HYDIN: variants seen among roughly 807,000 people sequenced by gnomAD.
HYDIN encodes HYDIN axonemal central pair apparatus protein, also known as axonemal central pair apparatus protein HYDIN.
HYDIN carries 132 observed loss-of-function variants against 403.9 expected under a neutral mutation model. The observed-to-expected ratio is 0.33, with a 90% CI of 0.28 to 0.38. The LOEUF (loss-of-function observed/expected upper bound fraction) is 0.38. HYDIN is among the 10% of genes least tolerant of loss of function. The pLI is 1.00. For missense variants in HYDIN, 2,827 were observed against 5,009.5 expected (o/e 0.56, Z 13.15); for synonymous variants, 1,202 against 1,891.7 (o/e 0.64, Z 9.46).
chr16:70,944,666 C>G (rs77703864), intron 41 of HYDIN, among the ~76,000 whole-genome samples: 5,652 of 151,794 alleles, frequency 0.037, no homozygotes, highest in African/African-American at 0.087. Flanking sequence ...GGCCTTGTAG[C>G]CCATGGTCAG....
chr16:71,114,852 T>C (rs971744740), intron 10 of HYDIN, among the ~76,000 whole-genome samples: 1 of 83,050 alleles, frequency 1.2e-5, no homozygotes, highest in African/African-American at 5.1e-5. Context: ...ATTCCCTGTA[T>C]GTATCAAATC....
chr16:71,062,497 T>C, intron 16 of HYDIN, 164 bp from the exon 17 acceptor site: 1 of 569,192 alleles, frequency 1.8e-6, no homozygotes, highest in South Asian at 2.5e-5. Context: ...CAAAAGGAAG[T>C]TTGGTTAAGT....
intron 1 of HYDIN, among the ~76,000 whole-genome samples, chr16:71,221,525 C>T (rs1284080350): frequency 8.5e-5 from 13 of 152,106 alleles, no homozygotes; most frequent in Non-Finnish European, 1.9e-4. Flanking sequence ...GGACAATAAG[C>T]AGCTCTTGGT....
At chr16:71,170,816 A>G (rs1567404147) in intron 5 of HYDIN, among the ~76,000 whole-genome samples, 3 of 152,130 alleles carry the variant, frequency 2.0e-5, no homozygotes, top group African/African-American at 7.2e-5. Context: ...ATATTTACAG[A>G]TGAAATTACA....
At chr16:70,892,318 G>C (rs113236019) in intron 56 of HYDIN, 43 bp downstream of exon 56, 2 of 1,565,196 alleles carry the variant, frequency 1.3e-6, no homozygotes, top group South Asian at 1.2e-5. Context: ...GGAGTCGTAC[G>C]ATCCTGCCAT....
At chr16:71,044,243 T>A (rs893412809) in intron 18 of HYDIN, among the ~76,000 whole-genome samples, 3 of 144,940 alleles carry the variant, frequency 2.1e-5, no homozygotes, top group African/African-American at 7.7e-5. Context: ...TCATTTGTTT[T>A]CATAATGGTA....
chr16:70,925,331 C>A (rs1010121623), intron 45 of HYDIN, among the ~76,000 whole-genome samples: 4 of 152,274 alleles, frequency 2.6e-5, no homozygotes, highest in African/African-American at 9.6e-5. Flanking sequence ...AAACACTTGG[C>A]ATCTTTCTAC....
At chr16:70,824,040 G>T (rs2036427182) in intron 83 of HYDIN, among the ~76,000 whole-genome samples, 1 of 151,476 alleles carries the variant, frequency 6.6e-6, no homozygotes, top group Non-Finnish European at 1.5e-5. Flanking sequence ...TTGCCTCAGA[G>T]ATTTTGTTGA....
At chr16:71,033,167 A>G (rs144128554) in intron 18 of HYDIN, among the ~76,000 whole-genome samples, 2,217 of 152,180 alleles carry the variant, frequency 0.015, 19 homozygotes, top group Non-Finnish European at 0.022. Context: ...AGTGAGACCA[A>G]TATTTCAACA....
At chr16:70,851,521 A>G (rs1276976426) in intron 73 of HYDIN, among the ~76,000 whole-genome samples, 2 of 148,862 alleles carry the variant, frequency 1.3e-5, no homozygotes, top group South Asian at 2.1e-4. Flanking sequence ...CAAAACCACA[A>G]TGAGATAACA....
intron 23 of HYDIN, among the ~76,000 whole-genome samples, chr16:71,015,402 A>G (rs2080224249): frequency 6.7e-6 from 1 of 150,282 alleles, no homozygotes; most frequent in South Asian, 2.1e-4. Context: ...TCTCAAAAAT[A>G]AAAAAATAAA....
At chr16:71,086,719 G>A (rs1357703121) in intron 12 of HYDIN, among the ~76,000 whole-genome samples, 1 of 152,232 alleles carries the variant, frequency 6.6e-6, no homozygotes, top group Non-Finnish European at 1.5e-5. Context: ...CTGATGCCCA[G>A]TAGTCAGCTT....
At chr16:71,098,198 TC>T (rs143612748) in intron 10 of HYDIN, among the ~76,000 whole-genome samples, 4 of 134,824 alleles carry the variant, frequency 3.0e-5, no homozygotes, top group African/African-American at 3.6e-5. Context: ...GATAAAACTT[TC>T]TTTCTTTTTT....
Position 70,945,579 on chromosome 16 carries a change from A to C in HYDIN, c.6532-1630T>G, listed in dbSNP as rs575931981. 4.6e-5 allele frequency among the ~76,000 whole-genome samples: 7 copies of C among 152,362 alleles called. No individual in the cohort carries two copies. In the East Asian group the frequency reaches 1.4e-3, roughly 29 times the overall value. ...TGCAAAGACAATGTAGGAAACAAAA[A>C]GGAGAGTAGTAGAAGACTTTGTCCC... On this transcript the variant is annotated intron_variant, in intron 41 of 85. Transcript: ENST00000393567.
At chr16:70,830,814 A>C (rs973547923) in intron 80 of HYDIN, among the ~76,000 whole-genome samples, 1 of 152,164 alleles carries the variant, frequency 6.6e-6, no homozygotes, top group African/African-American at 2.4e-5. Flanking sequence ...TTTCAGTGAG[A>C]GATCGGGAGC....
At chr16:71,021,560 A>G (rs1197299496) in intron 21 of HYDIN, among the ~76,000 whole-genome samples, 1 of 152,080 alleles carries the variant, frequency 6.6e-6, no homozygotes, top group African/African-American at 2.4e-5. Context: ...ATGAATCTCG[A>G]GTTGAGAGTT....
At chr16:71,023,223 T>C (rs1311742744) in intron 21 of HYDIN, among the ~76,000 whole-genome samples, 3 of 151,526 alleles carry the variant, frequency 2.0e-5, no homozygotes, top group African/African-American at 7.2e-5. Context: ...TTTACATGTC[T>C]CATGGAGCTT....
chr16:70,875,028 T>A (rs1369514301), intron 62 of HYDIN, 109 bp from the exon 63 acceptor site: 22 of 1,109,306 alleles, frequency 2.0e-5, no homozygotes, highest in Admixed American at 3.1e-5. Context: ...AAAAAGGTAT[T>A]ATGCCTAGTA....
chr16:70,967,148 G>A (rs2143968871), intron 36 of HYDIN, among the ~76,000 whole-genome samples: 1 of 152,232 alleles, frequency 6.6e-6, no homozygotes, highest in East Asian at 1.9e-4. Flanking sequence ...CAAAGGTGTA[G>A]CTCAAGGTAG....
Sources: gnomAD v4.1 joint callset for allele counts (sites outside exome capture counted in the v4.1 genomes callset) on GRCh38, gnomAD v4.1.1 for gene constraint, MANE v1.5 for transcripts, NCBI Gene and HGNC (gene_info 2026-07-23, HGNC 2026-07-21) for gene names.